Variants in BCAR3 observed in about 807,000 individuals in gnomAD.
BCAR3 encodes the protein BCAR3 adaptor protein, NSP family member, also known as breast cancer anti-estrogen resistance protein 3.
A neutral mutation model predicts 80.1 loss-of-function variants in BCAR3; 37 were observed. That is an observed-to-expected ratio of 0.46 (90% CI 0.36 to 0.61). The LOEUF (loss-of-function observed/expected upper bound fraction) is 0.61, where lower values mean the gene tolerates loss of function less well. Among genes scored for constraint, BCAR3 ranks in the 20% least tolerant of loss-of-function variants. The pLI is 0.00. For missense variants in BCAR3, 978 were observed against 1,068.2 expected, an observed-to-expected ratio of 0.92 and a Z score of 1.18; for synonymous variants, 389 against 418.9, an observed-to-expected ratio of 0.93 and a Z score of 0.87.
intron 3 of BCAR3, among the ~76,000 whole-genome samples, chr1:93,612,720 A>G (rs1362826351): frequency 6.6e-6 from 1 of 152,182 alleles, no homozygotes; most frequent in East Asian, 1.9e-4. Flanking sequence ...TTTAGGCCAG[A>G]AACCACATGG....
intron 1 of BCAR3, chr1:93,681,045 A>G (rs1648734610): frequency 1.3e-5 from 2 of 152,350 alleles, no homozygotes; most frequent in African/African-American, 4.8e-5. Context: ...AGGGAGGGAG[A>G]TGTTGTCAAC....
At chr1:93,673,587 G>C (rs1648323565) in intron 2 of BCAR3, among the ~76,000 whole-genome samples, 1 of 152,198 alleles carries the variant, frequency 6.6e-6, no homozygotes. Flanking sequence ...ACAGGCTGCT[G>C]ATCTTCCCCA....
chr1:93,567,416 G>A lies in BCAR3; in HGVS notation c.2162C>T (p.Ala721Val). Residue 721 changes from alanine (A) to valine (V), a missense_variant, in exon 11 of 12, where the codon GCT becomes GTT. By Grantham distance (64) the Ala-to-Val change is moderately conservative. Coordinates refer to ENST00000260502, the MANE Select transcript of BCAR3 (RefSeq NM_003567.4). ...MPLVTLMERQ[A>V]VTFEGTDMWE... The stretch of plus-strand genomic sequence containing the variant: ...CATGTCGGTTCCTTCAAAAGTCACA[G>A]CCTGGCGCTCCATTAACGTCACAAG... 1 of 1,613,526 alleles carries A rather than the reference G, an allele frequency of 6.2e-7. No individual in the cohort carries two copies. Among genetic ancestry groups the A allele is most frequent in the African/African-American group, 1.3e-5 (1 of 75,012 alleles).
At chr1:93,575,315 C>T (rs914512242) in intron 8 of BCAR3, among the ~76,000 whole-genome samples, 5 of 152,202 alleles carry the variant, frequency 3.3e-5, no homozygotes, top group Non-Finnish European at 5.9e-5. Flanking sequence ...CCCAAATCAA[C>T]TTTTAAAAAA....
At chr1:93,621,039 C>T (rs1312329362) in intron 3 of BCAR3, among the ~76,000 whole-genome samples, 1 of 152,180 alleles carries the variant, frequency 6.6e-6, no homozygotes, top group Non-Finnish European at 1.5e-5. Flanking sequence ...GATCACCCGC[C>T]TAGGAAGGCA....
chr1:93,661,861 C>A (rs948057416), intron 2 of BCAR3, among the ~76,000 whole-genome samples: 2 of 152,222 alleles, frequency 1.3e-5, no homozygotes, highest in Non-Finnish European at 2.9e-5. Context: ...CATCCCCTTG[C>A]AAAATAAATG....
At chr1:93,722,229 T>G (rs1414320685) in intron 2 of BCAR3, among the ~76,000 whole-genome samples, 1 of 152,200 alleles carries the variant, frequency 6.6e-6, no homozygotes, top group Non-Finnish European at 1.5e-5. Context: ...TCTCCAGAAC[T>G]CCCGAGTGAG....
chr1:93,740,649 A>C (rs1108527), intron 2 of BCAR3, among the ~76,000 whole-genome samples: 140,931 of 152,158 alleles, frequency 0.93, 65,316 homozygotes, highest in East Asian at 0.95. Flanking sequence ...TTCCCGCCCC[A>C]AAAACCCTGA....
rs964365197 is a variant in BCAR3, at chr1:93,694,058, G to C, written c.-12+12034C>G. Among the ~76,000 whole-genome samples, 35 of 152,232 alleles carry C rather than the reference G, an allele frequency of 2.3e-4. 1 individual carries two copies. Among genetic ancestry groups the C allele is most frequent in the African/African-American group, 8.0e-4 (33 of 41,448 alleles). On this transcript the variant is annotated intron_variant, in intron 3 of 13. Transcript: ENST00000370244. ...AAGAGAGGCTAAGTTGCCCAAGGTT[G>C]CATGTCTAAAAAGTATCAGAGGATG...
chr1:93,589,279 G>C lies in BCAR3; in HGVS notation c.627C>G (p.Ser209Arg). 6.2e-7 allele frequency: 1 copy of C among 1,614,198 alleles called. No individual in the cohort carries two copies. Among genetic ancestry groups the C allele is most frequent in the Non-Finnish European group, 8.5e-7 (1 of 1,180,040 alleles). ...FKINRTVLRL[S>R]EAYSRVQYQF... is the part of the protein sequence containing the mutation. Reference sequence around the variant, plus strand: ...GGTACTGCACGCGGCTGTAGGCCTCGCTGAGTCGCAGAACTGTCCGGTTGA... The same window carrying C: ...GGTACTGCACGCGGCTGTAGGCCTCCCTGAGTCGCAGAACTGTCCGGTTGA... Residue 209 changes from serine (S) to arginine (R), a missense_variant, in exon 5 of 12, where the codon AGC (serine) becomes AGG (arginine). By Grantham distance (110) the Ser-to-Arg change is moderately radical. Coordinates refer to ENST00000260502, the MANE Select transcript of BCAR3 (RefSeq NM_003567.4).
chr1:93,580,997 C>T (rs1673682524), intron 7 of BCAR3, among the ~76,000 whole-genome samples: 1 of 152,056 alleles, frequency 6.6e-6, no homozygotes, highest in African/African-American at 2.4e-5. Flanking sequence ...CCTATCTCTA[C>T]AAAAAATACA....
intron 2 of BCAR3, among the ~76,000 whole-genome samples, chr1:93,758,744 C>T (rs950348091): frequency 2.6e-5 from 4 of 152,200 alleles, no homozygotes; most frequent in Non-Finnish European, 5.9e-5. Context: ...TTATCAGGTC[C>T]AGTGTGGTTC....
chr1:93,566,603 C>T (rs1178267588), intron 11 of BCAR3, among the ~76,000 whole-genome samples: 1 of 152,154 alleles, frequency 6.6e-6, no homozygotes, highest in African/African-American at 2.4e-5. Context: ...AGCAGGGGAG[C>T]TCACTTCCCA....
chr1:93,593,459 C>T (rs1313897614), intron 3 of BCAR3, among the ~76,000 whole-genome samples: 1 of 152,098 alleles, frequency 6.6e-6, no homozygotes, highest in Non-Finnish European at 1.5e-5. Flanking sequence ...CAAGCAACCT[C>T]CTGGGCTCAA....
intron 3 of BCAR3, among the ~76,000 whole-genome samples, chr1:93,635,221 TA>T (rs1557632665): frequency 6.6e-6 from 1 of 150,554 alleles, no homozygotes; most frequent in African/African-American, 2.5e-5. Flanking sequence ...CCCTGTTTCT[TA>T]AAAAAATAAG....
At position 93,592,085 on chromosome 1, in the gene BCAR3, C is replaced by T; in HGVS notation, c.486+180G>A. 1.2e-6 allele frequency: 1 copy of T among 858,660 alleles called. No individual in the cohort carries two copies. The highest frequency in any genetic ancestry group is 1.7e-6 in the Non-Finnish European group (1 of 585,106). The allele number at this position is 858,660 out of a possible 1,614,324, so 53.2% of individuals were successfully genotyped here. ...TGGATGTGTGCTTTGGGTTCTTGACCTCAGCTCTTCCCAAGGTCTTCTTAG... is the reference window on the plus strand; with the variant it reads ...TGGATGTGTGCTTTGGGTTCTTGACTTCAGCTCTTCCCAAGGTCTTCTTAG... On this transcript the variant is annotated intron_variant, in intron 4 of 11. Transcript: ENST00000260502. This position sits in a 1 kb window ranked among gnomAD's most constrained non-coding sequence, Gnocchi z 4.8.
rs1056187230 is a variant in BCAR3 at position 93,615,063 on chromosome 1, C to T, written c.358-22670G>A. Among the ~76,000 whole-genome samples the T allele has an allele frequency of 3.4e-5, 5 of 148,078 alleles. No homozygotes were observed. The East Asian group carries it at 9.9e-4, about 29-fold the overall frequency. ...ATTTCTGCCTGTAGCTCTTCCTCTC[C>T]TATCCTACCGCTCCAAATATTAACT... On this transcript the variant is annotated intron_variant, in intron 3 of 11. Transcript: ENST00000260502.
intron 2 of BCAR3, among the ~76,000 whole-genome samples, chr1:93,732,296 G>C (rs961379438): frequency 6.6e-6 from 1 of 152,178 alleles, no homozygotes; most frequent in African/African-American, 2.4e-5. Flanking sequence ...GAGGTGGAGG[G>C]AGACAGAGAA....
intron 2 of BCAR3, among the ~76,000 whole-genome samples, chr1:93,820,993 T>A (rs887078334): frequency 1.3e-5 from 2 of 151,412 alleles, no homozygotes; most frequent in Non-Finnish European, 2.9e-5. Context: ...AGTTACATTA[T>A]AAAAAAACAA....
Sources: allele counts gnomAD v4.1 joint callset (sites outside exome capture counted in the v4.1 genomes callset), GRCh38; gene constraint gnomAD v4.1.1; non-coding constraint Gnocchi (gnomAD v3.1); transcripts MANE v1.5; gene names NCBI Gene and HGNC (gene_info 2026-07-23, HGNC 2026-07-21).